GFOD1: variants seen among roughly 807,000 people sequenced by gnomAD.
GFOD1 encodes glucose-fructose oxidoreductase domain-containing protein 1.
GFOD1 carries 9 observed loss-of-function variants against 25.4 expected under a neutral mutation model. That is an observed-to-expected ratio of 0.35 (90% CI 0.21 to 0.62). GFOD1 has a LOEUF of 0.62. Ranked by LOEUF, GFOD1 falls within the 20% of genes least tolerant of loss-of-function variation. The pLI, the probability that GFOD1 is intolerant of heterozygous loss-of-function variation, is 0.72. For missense variants in GFOD1, 403 were observed against 556.9 expected, an observed-to-expected ratio of 0.72 and a Z score of 2.78; for synonymous variants, 253 against 245.6, an observed-to-expected ratio of 1.03 and a Z score of -0.28.
At chr6:13,461,173 A>C in intron 1 of GFOD1, among the ~76,000 whole-genome samples, 1 of 152,196 alleles carries the variant, frequency 6.6e-6, no homozygotes, top group East Asian at 1.9e-4. Flanking sequence ...ACTCCCTAGA[A>C]GCCCAGAATC....
At chr6:13,381,905 ACGCG>A (rs753072626) in intron 1 of GFOD1, among the ~76,000 whole-genome samples, 2 of 92,344 alleles carry the variant, frequency 2.2e-5, no homozygotes, top group African/African-American at 4.4e-5. Flanking sequence ...TAAAACACAC[ACGCG>A]CGCGCGCACA....
intron 1 of GFOD1, among the ~76,000 whole-genome samples, chr6:13,462,495 G>A (rs1198602186): frequency 2.0e-5 from 3 of 152,112 alleles, no homozygotes; most frequent in Non-Finnish European, 4.4e-5. Context: ...TCTTCAGTCC[G>A]GTCAACTGTG....
intron 1 of GFOD1, among the ~76,000 whole-genome samples, chr6:13,420,356 G>C (rs1786235323): frequency 6.6e-6 from 1 of 152,200 alleles, no homozygotes. Context: ...TCGAATTCTG[G>C]CAGGAAGAGG....
intron 1 of GFOD1, among the ~76,000 whole-genome samples, chr6:13,422,706 C>A (rs1043088613): frequency 6.6e-6 from 1 of 152,294 alleles, no homozygotes; most frequent in South Asian, 2.1e-4. Flanking sequence ...AAGTAGGAAG[C>A]CTGTGTTCAC....
chr6:13,486,983 T>G lies in GFOD1; in HGVS notation c.-93A>C. ...TCTAGCCAGTCCTGCACCCCGCTCC[T>G]GTAGCCAATCTAGCCGCGGTGCGCC... On this transcript the variant is annotated 5_prime_UTR_variant, in exon 1 of 2. Transcript: ENST00000379287. 1 of 1,448,730 alleles carries G rather than the reference T, an allele frequency of 6.9e-7. No homozygotes were observed. The highest frequency in any genetic ancestry group is 1.3e-5 in the South Asian group (1 of 76,274). The allele number at this position is 1,448,730 out of a possible 1,614,324, so 89.7% of individuals were successfully genotyped here. A position where few individuals can be genotyped will look rare whatever the true frequency, so the allele number is the denominator to read the frequency against.
chr6:13,449,735 C>T (rs2127573586), intron 1 of GFOD1, among the ~76,000 whole-genome samples: 1 of 152,294 alleles, frequency 6.6e-6, no homozygotes, highest in East Asian at 1.9e-4. Flanking sequence ...TTGCCTGCCA[C>T]CATGTAAGAT....
At chr6:13,379,726 G>A (rs1393803952) in intron 1 of GFOD1, among the ~76,000 whole-genome samples, 1 of 152,188 alleles carries the variant, frequency 6.6e-6, no homozygotes, top group African/African-American at 2.4e-5. Flanking sequence ...AGTTTCTGTT[G>A]TTGGCAATTT....
At chr6:13,473,666 A>G (rs1409018455) in intron 1 of GFOD1, among the ~76,000 whole-genome samples, 1 of 152,270 alleles carries the variant, frequency 6.6e-6, no homozygotes, top group East Asian at 1.9e-4. Context: ...TCGCAGAACC[A>G]GTGGTTCCTT....
intron 1 of GFOD1, among the ~76,000 whole-genome samples, chr6:13,465,686 C>T (rs1758368457): frequency 6.6e-6 from 1 of 152,142 alleles, no homozygotes; most frequent in South Asian, 2.1e-4. Flanking sequence ...AGCCTGAGAA[C>T]CACCGTAACA....
intron 1 of GFOD1, among the ~76,000 whole-genome samples, chr6:13,436,917 G>C (rs1282679628): frequency 1.3e-5 from 2 of 152,242 alleles, no homozygotes; most frequent in African/African-American, 4.8e-5. Flanking sequence ...CAGAACTCCA[G>C]TTCAGAGCTT....
chr6:13,386,835 G>A (rs1026533141), intron 1 of GFOD1, among the ~76,000 whole-genome samples: 4 of 152,148 alleles, frequency 2.6e-5, no homozygotes, highest in African/African-American at 4.8e-5. Flanking sequence ...GTTCTGAAGC[G>A]TTTCTGAGGA....
chr6:13,402,575 G>A (rs925378326), intron 1 of GFOD1, among the ~76,000 whole-genome samples: 3 of 49,284 alleles, frequency 6.1e-5, no homozygotes, highest in East Asian at 2.1e-3. Flanking sequence ...CACATGAAAA[G>A]ATGCTCAACA....
intron 1 of GFOD1, among the ~76,000 whole-genome samples, chr6:13,431,107 T>C (rs1992386): frequency 0.95 from 144,990 of 152,284 alleles, 69,446 homozygotes; most frequent in Middle Eastern, 1. Context: ...AATCACTATG[T>C]TATATTCTGC....
intron 1 of GFOD1, among the ~76,000 whole-genome samples, chr6:13,476,763 TA>T (rs1758632222): frequency 6.6e-6 from 1 of 152,222 alleles, no homozygotes; most frequent in Non-Finnish European, 1.5e-5. Context: ...TTTTAAATCA[TA>T]ACATTTTAAT....
chr6:13,433,528 C>A (rs1584649051), intron 1 of GFOD1, among the ~76,000 whole-genome samples: 1 of 152,230 alleles, frequency 6.6e-6, no homozygotes, highest in Non-Finnish European at 1.5e-5. Context: ...ATTGGGACAA[C>A]CAAAAATGTC....
At chr6:13,387,041 T>C (rs1785489233) in intron 1 of GFOD1, among the ~76,000 whole-genome samples, 2 of 118,080 alleles carry the variant, frequency 1.7e-5, no homozygotes, top group South Asian at 6.4e-4. Context: ...CTAATAGGTG[T>C]ACTTCTGTGT....
At chr6:13,396,275 A>G (rs566320) in intron 1 of GFOD1, among the ~76,000 whole-genome samples, 86,657 of 152,104 alleles carry the variant, frequency 0.57, 28,574 homozygotes, top group Non-Finnish European at 0.73. Context: ...TATGGATCAG[A>G]AAATGGAGGC....
intron 1 of GFOD1, among the ~76,000 whole-genome samples, chr6:13,431,838 C>G (rs1184674834): frequency 6.6e-6 from 1 of 152,240 alleles, no homozygotes; most frequent in South Asian, 2.1e-4. Flanking sequence ...CAAAGTCCCT[C>G]CTTCCTTTTG....
rs2127553674 is a variant in GFOD1 at position 13,362,196 on chromosome 6, C to T, written c.*2547G>A. On this transcript the variant is annotated 3_prime_UTR_variant, in exon 2 of 2. Coordinates refer to ENST00000379287, the MANE Select transcript of GFOD1 (RefSeq NM_018988.4). ...AACCAGAATCAGCTGGGTGTGGTGG[C>T]TCACGCCTGCAACCCCAGCACTTTG... 1 of 152,284 alleles carries T rather than the reference C, an allele frequency of 6.6e-6. No homozygotes were observed. Among genetic ancestry groups the T allele is most frequent in the Middle Eastern group, 3.4e-3 (1 of 294 alleles). 9.4% of individuals were successfully genotyped at this position (152,284 alleles called of 1,614,324 possible). A position where few individuals can be genotyped will look rare whatever the true frequency, so the allele number is the denominator to read the frequency against.
Sources: gnomAD v4.1 joint callset for allele counts (sites outside exome capture counted in the v4.1 genomes callset) on GRCh38, gnomAD v4.1.1 for gene constraint, MANE v1.5 for transcripts, NCBI Gene and HGNC (gene_info 2026-07-23, HGNC 2026-07-21) for gene names.